Variants in PLCB4 observed in about 807,000 individuals in gnomAD.
PLCB4 encodes the protein phospholipase C beta 4, also known as 1-phosphatidylinositol 4,5-bisphosphate phosphodiesterase beta-4.
A neutral mutation model predicts 178.8 loss-of-function variants in PLCB4; 77 were observed. That is an observed-to-expected ratio of 0.43 (90% CI 0.36 to 0.52). The LOEUF is 0.52. Ranked by LOEUF, PLCB4 falls within the 20% of genes least tolerant of loss-of-function variation. PLCB4 has a pLI of 0.00. For synonymous variants in PLCB4, 496 were observed against 490.8 expected (o/e 1.01, Z -0.14); for missense variants, 1,024 against 1,453.4 (o/e 0.70, Z 4.80).
At chr20:9,110,992 A>C (rs2091555363) in intron 2 of PLCB4, among the ~76,000 whole-genome samples, 1 of 152,148 alleles carries the variant, frequency 6.6e-6, no homozygotes. Context: ...TATTCAATTT[A>C]TTATTCAAAC....
intron 3 of PLCB4, among the ~76,000 whole-genome samples, chr20:9,285,649 T>C (rs1253218914): frequency 6.6e-6 from 1 of 151,998 alleles, no homozygotes; most frequent in African/African-American, 2.4e-5. Flanking sequence ...AGAGTTCTCC[T>C]GGAGAAAACT....
At chr20:9,190,830 T>C (rs1183373494) in intron 2 of PLCB4, among the ~76,000 whole-genome samples, 1 of 152,108 alleles carries the variant, frequency 6.6e-6, no homozygotes, top group Admixed American at 6.5e-5. Context: ...TGCTCTCCTT[T>C]TACAATAAGA....
At chr20:9,315,957 AAAG>A (rs2094894277) in intron 4 of PLCB4, among the ~76,000 whole-genome samples, 1 of 152,140 alleles carries the variant, frequency 6.6e-6, no homozygotes, top group Admixed American at 6.6e-5. Context: ...AATTAAAAAA[AAAG>A]AGCCAGTTTG....
intron 1 of PLCB4, among the ~76,000 whole-genome samples, chr20:9,090,757 C>T (rs1184083133): frequency 6.6e-6 from 1 of 152,058 alleles, no homozygotes; most frequent in East Asian, 1.9e-4. Flanking sequence ...ATTTCTTCTC[C>T]ATGAGAATTT....
At chr20:9,427,376 A>G in intron 28 of PLCB4, among the ~76,000 whole-genome samples, 1 of 152,230 alleles carries the variant, frequency 6.6e-6, no homozygotes, top group East Asian at 1.9e-4. Flanking sequence ...CAGAAAAAAA[A>G]AAAAAGTAAC....
chr20:9,193,783 A>G (rs2093434103), intron 2 of PLCB4, among the ~76,000 whole-genome samples: 1 of 152,238 alleles, frequency 6.6e-6, no homozygotes, highest in Admixed American at 6.5e-5. Flanking sequence ...GAATGTTTAT[A>G]TTCTTGAAAA....
At chr20:9,069,596 C>T (rs996626785) in intron 1 of PLCB4, among the ~76,000 whole-genome samples, 1 of 152,104 alleles carries the variant, frequency 6.6e-6, no homozygotes, top group African/African-American at 2.4e-5. Context: ...AATGATTGAC[C>T]GTTTCCACTT....
chr20:9,306,197 TG>T (rs2094763626), intron 3 of PLCB4, among the ~76,000 whole-genome samples: 1 of 152,160 alleles, frequency 6.6e-6, no homozygotes, highest in African/African-American at 2.4e-5. Flanking sequence ...CCCCGTCTCC[TG>T]GGTTCAAGCA....
At chr20:9,280,338 C>G in intron 3 of PLCB4, 4 of 429,714 alleles carry the variant, frequency 9.3e-6, no homozygotes, top group Non-Finnish European at 1.2e-5. Context: ...GGTAAAGTTT[C>G]AAAACACTGG....
chr20:9,423,843 A>G lies in PLCB4; in HGVS notation c.2415A>G (p.Gln805=). Residue 805 remains glutamine, a synonymous_variant, in exon 28 of 40, where the codon CAA becomes CAG. Coordinates refer to ENST00000378473, the MANE Select transcript of PLCB4 (RefSeq NM_001377142.1). The part of the protein sequence containing the change: ...GQRILPLDGL[Q]AGYRHISLRN... ...GGATCCTCCCGCTTGATGGCCTCCA[A>G]GCCGGATATCGACACATTTCCCTTC... is the stretch of plus-strand genomic sequence containing the variant. The G allele has an allele frequency of 6.2e-7, 1 of 1,614,018 alleles. No individual in the cohort carries two copies.
chr20:9,472,877 T>G, intron 37 of PLCB4, 30 bp downstream of exon 37: 1 of 1,331,156 alleles, frequency 7.5e-7, no homozygotes, highest in East Asian at 2.3e-5. Flanking sequence ...TTTGGCATTC[T>G]TCCTTTAAAA....
intron 2 of PLCB4, among the ~76,000 whole-genome samples, chr20:9,112,706 G>A (rs1405784171): frequency 2.0e-5 from 3 of 152,072 alleles, no homozygotes; most frequent in African/African-American, 7.2e-5. Flanking sequence ...CATATTCATA[G>A]ACTGTCCCTT....
In PLCB4 at chr20:9,148,461, C is replaced by T. The variant is rs530187000; in HGVS notation, c.-79+52119C>T. Reference sequence around the variant, plus strand: ...AGGATAGTTAAGCATTGAGTGATTACTGAAATACTGTGGCTGGAGATCCTT... The same window carrying T: ...AGGATAGTTAAGCATTGAGTGATTATTGAAATACTGTGGCTGGAGATCCTT... On this transcript the variant is annotated intron_variant, in intron 2 of 39. Coordinates refer to ENST00000378473, the MANE Select transcript of PLCB4 (RefSeq NM_001377142.1). 2.0e-5 allele frequency among the ~76,000 whole-genome samples: 3 copies of T among 152,270 alleles called. No homozygotes were observed. In the East Asian group the frequency reaches 5.8e-4, roughly 29 times the overall value.
chr20:9,462,581 C>T (rs201631127), intron 35 of PLCB4, among the ~76,000 whole-genome samples: 1 of 152,160 alleles, frequency 6.6e-6, no homozygotes, highest in South Asian at 2.1e-4. Flanking sequence ...AATGACCTGA[C>T]GGAGCTGAAA....
intron 9 of PLCB4, among the ~76,000 whole-genome samples, chr20:9,367,262 A>G (rs1166639271): frequency 2.0e-5 from 3 of 152,212 alleles, no homozygotes; most frequent in Non-Finnish European, 2.9e-5. Flanking sequence ...AAGACCTTAG[A>G]CAATTTTTTT....
At chr20:9,223,528 G>C (rs781613571) in intron 3 of PLCB4, among the ~76,000 whole-genome samples, 2 of 152,194 alleles carry the variant, frequency 1.3e-5, no homozygotes, top group Admixed American at 6.5e-5. Flanking sequence ...TGGAAGAGCA[G>C]GCAGCTGGTA....
chr20:9,384,510 G>A, intron 14 of PLCB4, 99 bp downstream of exon 14: 2 of 848,588 alleles, frequency 2.4e-6, no homozygotes, highest in South Asian at 1.5e-5. Context: ...AGGATGAAAA[G>A]GAAATTTGTT....
intron 13 of PLCB4, among the ~76,000 whole-genome samples, chr20:9,383,879 G>A (rs955730025): frequency 6.6e-6 from 1 of 152,166 alleles, no homozygotes; most frequent in African/African-American, 2.4e-5. Flanking sequence ...GGAGTGAGTA[G>A]CAAGAGCAGA....
At chr20:9,453,488 G>A (rs1041732798) in intron 33 of PLCB4, 26 bp downstream of exon 33, 5 of 1,318,784 alleles carry the variant, frequency 3.8e-6, no homozygotes, top group Non-Finnish European at 5.4e-6. Flanking sequence ...TCCTTCTGAA[G>A]ACTTTCTCTA....
Sources: allele counts gnomAD v4.1 joint callset (sites outside exome capture counted in the v4.1 genomes callset), GRCh38; gene constraint gnomAD v4.1.1; transcripts MANE v1.5; gene names NCBI Gene and HGNC (gene_info 2026-07-23, HGNC 2026-07-21).